The following KLC1 variants were observed in gnomAD, a reference collection of about 807,000 sequenced individuals.
KLC1 encodes kinesin light chain 1, also known as kinesin 2 60/70kDa.
A neutral mutation model predicts 84.2 loss-of-function variants in KLC1; 30 were observed. The observed-to-expected ratio is 0.36, with a 90% CI of 0.27 to 0.48. The LOEUF (loss-of-function observed/expected upper bound fraction) is 0.48. Among genes scored for constraint, KLC1 ranks in the 20% least tolerant of loss-of-function variants. The pLI, the probability that KLC1 is intolerant of heterozygous loss-of-function variation, is 0.99. For missense variants in KLC1, 499 were observed against 805.4 expected, an observed-to-expected ratio of 0.62 and a Z score of 4.60; for synonymous variants, 289 against 293.3, an observed-to-expected ratio of 0.99 and a Z score of 0.15.
chr14:103,659,065 C>T (rs988586573), intron 3 of KLC1, among the ~76,000 whole-genome samples: 1 of 152,092 alleles, frequency 6.6e-6, no homozygotes, highest in Non-Finnish European at 1.5e-5. Context: ...GCAGCCTCCA[C>T]CTCCTGGGTT....
At position 103,675,748 on chromosome 14, in the gene KLC1, A is replaced by G. The variant is rs2080818598; in HGVS notation, c.1371A>G (p.Lys457=). 2 of 1,613,814 alleles carry G rather than the reference A, an allele frequency of 1.2e-6. No homozygotes were observed. The highest frequency in any genetic ancestry group is 4.5e-5 in the East Asian group (2 of 44,862). ...GEYGGWYKAC[K]VDSPTVTTTL... Reference sequence around the variant, plus strand: ...ATGGCGGCTGGTACAAAGCCTGCAAAGTTGATAGGTATGTCTGGAATTGCG... The same window carrying G: ...ATGGCGGCTGGTACAAAGCCTGCAAGGTTGATAGGTATGTCTGGAATTGCG... Residue 457 remains lysine, a synonymous_variant, in exon 11 of 17, where the codon AAA becomes AAG. Coordinates refer to ENST00000334553, the MANE Select transcript of KLC1 (RefSeq NM_001394837.1).
intron 1 of KLC1, among the ~76,000 whole-genome samples, chr14:103,638,032 TC>T (rs1229691796): frequency 2.6e-5 from 4 of 152,122 alleles, no homozygotes; most frequent in African/African-American, 9.7e-5. Flanking sequence ...CGTGGACTGT[TC>T]CTGTAGGCTG....
chr14:103,687,053 G>A (rs1337129582), intron 13 of KLC1, 28 bp from the exon 14 acceptor site: 1 of 1,506,186 alleles, frequency 6.6e-7, no homozygotes, highest in South Asian at 1.2e-5. Flanking sequence ...ACCACCTGCA[G>A]CTTCACGTTT....
chr14:103,690,778 AT>A (rs2082063075), intron 14 of KLC1, among the ~76,000 whole-genome samples: 2 of 152,214 alleles, frequency 1.3e-5, no homozygotes, highest in Non-Finnish European at 2.9e-5. Context: ...ACTGTCCATC[AT>A]TTAAGTTATA....
At chr14:103,657,833 G>A in intron 3 of KLC1, 57 bp downstream of exon 3, 10 of 1,237,404 alleles carry the variant, frequency 8.1e-6, no homozygotes, top group Non-Finnish European at 1.2e-5. Flanking sequence ...CACTGGGAAA[G>A]TCATAGAGGT....
intron 1 of KLC1, among the ~76,000 whole-genome samples, chr14:103,635,930 C>T (rs74877140): frequency 0.017 from 2,613 of 152,232 alleles, 68 homozygotes; most frequent in African/African-American, 0.056. Context: ...GTACTTAAAG[C>T]TGCAGCTTCA....
Position 103,662,913 on chromosome 14 carries a change from G to A in KLC1, c.783G>A (p.Leu261=). 1 of 1,611,434 alleles carries A rather than the reference G, an allele frequency of 6.2e-7. No individual in the cohort carries two copies. Among genetic ancestry groups the A allele is most frequent in the South Asian group, 1.1e-5 (1 of 90,908 alleles). The change falls in exon 5 of 17, where the codon CTG becomes CTA. Residue 261 remains leucine, a synonymous_variant. Transcript: ENST00000334553. The part of the protein sequence containing the change: ...HPDVATMLNI[L]ALVYRDQNKY... The stretch of plus-strand genomic sequence containing the variant: ...ACGTGGCCACCATGCTCAACATCCT[G>A]GCCTTGGTGTACAGGCTAGTCACTT...
intron 14 of KLC1, among the ~76,000 whole-genome samples, chr14:103,689,898 C>T (rs563037483): frequency 4.6e-5 from 7 of 152,208 alleles, no homozygotes; most frequent in African/African-American, 1.4e-4. Context: ...GAGTTAATGG[C>T]GGCCGGTGCA....
intron 1 of KLC1, among the ~76,000 whole-genome samples, chr14:103,646,519 A>C (rs1039431527): frequency 2.0e-5 from 3 of 152,052 alleles, no homozygotes; most frequent in Admixed American, 1.3e-4. Context: ...ATGTGTATAT[A>C]TACATATTTC....
In KLC1 at chr14:103,651,270, A is replaced by T. The variant is rs372498215; in HGVS notation, c.-1-3294A>T. 3.1e-4 allele frequency among the ~76,000 whole-genome samples: 47 copies of T among 152,298 alleles called. 1 individual carries two copies. Among genetic ancestry groups the T allele is most frequent in the South Asian group, 6.2e-4 (3 of 4,824 alleles). On this transcript the variant is annotated intron_variant, in intron 1 of 16. Coordinates refer to ENST00000334553, the MANE Select transcript of KLC1 (RefSeq NM_001394837.1). Reference sequence around the variant, plus strand: ...TGATCCGCCAGCCTCGGCCTCCCAGAGTGCTAGGATTACAGGCGTCGGCCA... The same window carrying T: ...TGATCCGCCAGCCTCGGCCTCCCAGTGTGCTAGGATTACAGGCGTCGGCCA...
intron 13 of KLC1, among the ~76,000 whole-genome samples, chr14:103,684,467 T>TCCCCC (rs1323017875): frequency 6.6e-6 from 1 of 152,216 alleles, no homozygotes; most frequent in East Asian, 1.9e-4. Context: ...CCGCCGGCCT[T>TCCCCC]CCCCCTGGTT....
At chr14:103,657,813 A>T (rs1215505122) in intron 3 of KLC1, 37 bp downstream of exon 3, 3 of 1,457,016 alleles carry the variant, frequency 2.1e-6, no homozygotes, top group Non-Finnish European at 2.9e-6. Context: ...GCTAATGTTT[A>T]AAATGGAGTC....
chr14:103,667,184 T>A (rs1397654729), intron 5 of KLC1, among the ~76,000 whole-genome samples: 4 of 152,138 alleles, frequency 2.6e-5, no homozygotes, highest in Admixed American at 6.5e-5. Context: ...CAATCTCAGC[T>A]CACTGCAACC....
At chr14:103,630,315 C>A (rs971591472) in intron 1 of KLC1, among the ~76,000 whole-genome samples, 1 of 152,160 alleles carries the variant, frequency 6.6e-6, no homozygotes, top group Admixed American at 6.5e-5. Context: ...ATTTGTAGGT[C>A]ATTTCTAGGT....
At chr14:103,635,542 T>A (rs975695862) in intron 1 of KLC1, among the ~76,000 whole-genome samples, 1 of 152,030 alleles carries the variant, frequency 6.6e-6, no homozygotes, top group Non-Finnish European at 1.5e-5. Context: ...TCACCTGAGG[T>A]CAGGAGTTTG....
intron 15 of KLC1, chr14:103,695,337 G>C: frequency 1.9e-6 from 1 of 527,310 alleles, no homozygotes; most frequent in African/African-American, 3.6e-5. Context: ...ATGTGTGTGT[G>C]TGTATATATA....
intron 13 of KLC1, chr14:103,685,997 T>G: frequency 1.8e-6 from 2 of 1,096,322 alleles, no homozygotes; most frequent in Non-Finnish European, 2.2e-6. Flanking sequence ...GGTGACCTGT[T>G]GACGTAACTA....
At chr14:103,672,212 G>C (rs1412148381) in intron 7 of KLC1, among the ~76,000 whole-genome samples, 2 of 152,162 alleles carry the variant, frequency 1.3e-5, no homozygotes, top group Non-Finnish European at 2.9e-5. Flanking sequence ...AGTGTCCTAG[G>C]CAGGGGGAGG....
At chr14:103,649,095 C>T (rs1310405112) in intron 1 of KLC1, among the ~76,000 whole-genome samples, 1 of 151,936 alleles carries the variant, frequency 6.6e-6, no homozygotes, top group African/African-American at 2.4e-5. Flanking sequence ...CAAAATAGTG[C>T]CATTGCAGCC....
Sources: allele counts gnomAD v4.1 joint callset (sites outside exome capture counted in the v4.1 genomes callset), GRCh38; gene constraint gnomAD v4.1.1; transcripts MANE v1.5; gene names NCBI Gene and HGNC (gene_info 2026-07-23, HGNC 2026-07-21).